RAPGEF5: variants seen among roughly 807,000 people sequenced by gnomAD.
RAPGEF5 encodes M-Ras-regulated GEF.
In RAPGEF5, 65 loss-of-function variants were observed where a neutral mutation model predicts 125.2. The ratio of observed to expected loss-of-function variants is 0.52; its 90% CI spans 0.43 to 0.64. The LOEUF is 0.64. Ranked by LOEUF, RAPGEF5 falls within the 30% of genes least tolerant of loss-of-function variation. The probability of loss-of-function intolerance (pLI) is 0.00; values close to 1 mark genes in which losing one functional copy is unlikely to be tolerated. For synonymous variants in RAPGEF5, 391 were observed against 385.9 expected, an observed-to-expected ratio of 1.01 and a Z score of -0.16; for missense variants, 958 against 1,048.1, an observed-to-expected ratio of 0.91 and a Z score of 1.19.
intron 8 of RAPGEF5, among the ~76,000 whole-genome samples, chr7:22,226,778 T>A (rs1785929525): frequency 6.6e-6 from 1 of 152,140 alleles, no homozygotes; most frequent in Admixed American, 6.5e-5. Flanking sequence ...GACATTCAGT[T>A]TCTCTGGTCC....
intron 1 of RAPGEF5, among the ~76,000 whole-genome samples, chr7:22,330,217 G>A (rs1783889648): frequency 6.6e-6 from 1 of 152,188 alleles, no homozygotes; most frequent in Admixed American, 6.5e-5. Context: ...TATGGATGGG[G>A]GAAAGTGAGT....
chr7:22,324,854 A>G (rs1290770642), intron 1 of RAPGEF5, among the ~76,000 whole-genome samples: 7 of 152,274 alleles, frequency 4.6e-5, no homozygotes, highest in East Asian at 1.9e-4. Flanking sequence ...CAACAAACAT[A>G]TATTTGTAAG....
At chr7:22,199,531 GAAAAAAAAAAAA>G (rs35024654) in intron 9 of RAPGEF5, among the ~76,000 whole-genome samples, 9 of 62,848 alleles carry the variant, frequency 1.4e-4, no homozygotes, top group African/African-American at 2.1e-4. Flanking sequence ...CCTTAAAATT[GAAAAAAAAAAAA>G]AAAAAAAAAA....
intron 7 of RAPGEF5, among the ~76,000 whole-genome samples, chr7:22,255,592 A>C (rs978239459): frequency 5.9e-5 from 9 of 151,856 alleles, no homozygotes; most frequent in African/African-American, 1.9e-4. Context: ...CTGTCTCAAA[A>C]CAAAACCAAA....
In RAPGEF5 at chr7:22,167,056, A is replaced by T. The variant is rs777112015; in HGVS notation, c.1283+14T>A. 4.4e-6 allele frequency: 7 copies of T among 1,594,002 alleles called. No individual in the cohort carries two copies. The Admixed American group carries it at 1.2e-4, about 27-fold the overall frequency. On this transcript the variant is annotated intron_variant, in intron 12 of 25. Coordinates refer to ENST00000665637, the MANE Select transcript of RAPGEF5 (RefSeq NM_012294.5). ...AGGAAGTGGACACAGCAGCCTGAAG[A>T]TAATGAAGGATATTGCCTTAACAGA... is the stretch of plus-strand genomic sequence containing the variant.
chr7:22,218,856 C>G (rs1000647595), intron 9 of RAPGEF5, among the ~76,000 whole-genome samples: 2 of 152,180 alleles, frequency 1.3e-5, no homozygotes, highest in African/African-American at 2.4e-5. Context: ...TAATTATTCT[C>G]TTTCTTGAGA....
intron 20 of RAPGEF5, among the ~76,000 whole-genome samples, chr7:22,141,084 G>C (rs2128103829): frequency 6.6e-6 from 1 of 152,266 alleles, no homozygotes; most frequent in African/African-American, 2.4e-5. Flanking sequence ...GAATAGTGTA[G>C]ATCTTGCCTG....
At chr7:22,188,063 A>G (rs1425347524) in intron 11 of RAPGEF5, among the ~76,000 whole-genome samples, 1 of 152,270 alleles carries the variant, frequency 6.6e-6, no homozygotes, top group African/African-American at 2.4e-5. Flanking sequence ...ATAAAAAGAT[A>G]TAAATACAAG....
intron 9 of RAPGEF5, among the ~76,000 whole-genome samples, chr7:22,217,369 T>C (rs1419759): frequency 0.69 from 105,206 of 152,054 alleles, 36,524 homozygotes; most frequent in East Asian, 0.86. Context: ...GTAAAGAAAG[T>C]GAGGACAGGA....
At chr7:22,354,031 C>T (rs943207673) in intron 1 of RAPGEF5, among the ~76,000 whole-genome samples, 7 of 152,112 alleles carry the variant, frequency 4.6e-5, no homozygotes, top group Admixed American at 1.3e-4. Context: ...GATCACACCA[C>T]TGCACTCCAG....
At chr7:22,133,111 G>A (rs1478329692) in intron 23 of RAPGEF5, among the ~76,000 whole-genome samples, 4 of 152,168 alleles carry the variant, frequency 2.6e-5, no homozygotes, top group African/African-American at 4.8e-5. Flanking sequence ...CCCTCCTGCC[G>A]GCAATCTCTC....
At chr7:22,157,142 G>A (rs752169926) in intron 15 of RAPGEF5, among the ~76,000 whole-genome samples, 40 of 152,164 alleles carry the variant, frequency 2.6e-4, no homozygotes, top group Non-Finnish European at 4.9e-4. Context: ...CCTGCAACAT[G>A]ATTTTTCACA....
intron 6 of RAPGEF5, among the ~76,000 whole-genome samples, chr7:22,282,839 GT>G (rs1313954489): frequency 2.4e-4 from 36 of 152,122 alleles, no homozygotes; most frequent in African/African-American, 8.4e-4. Context: ...TCTCTGAGCT[GT>G]TCATAACAGC....
intron 9 of RAPGEF5, among the ~76,000 whole-genome samples, chr7:22,199,910 T>A (rs1310188419): frequency 6.6e-6 from 1 of 152,022 alleles, no homozygotes; most frequent in Non-Finnish European, 1.5e-5. Flanking sequence ...GCGGAGTGTA[T>A]CAACAATATC....
intron 9 of RAPGEF5, among the ~76,000 whole-genome samples, chr7:22,218,913 T>C (rs1160887948): frequency 6.6e-6 from 1 of 152,236 alleles, no homozygotes; most frequent in Non-Finnish European, 1.5e-5. Flanking sequence ...AAGTGCTATG[T>C]TATTAAACTA....
At chr7:22,218,880 A>T (rs1054254698) in intron 9 of RAPGEF5, among the ~76,000 whole-genome samples, 3 of 152,174 alleles carry the variant, frequency 2.0e-5, no homozygotes, top group African/African-American at 7.2e-5. Flanking sequence ...CAACTGTTAC[A>T]ATTCGATGTC....
chr7:22,345,792 G>A (rs1340106542), intron 1 of RAPGEF5, among the ~76,000 whole-genome samples: 2 of 150,602 alleles, frequency 1.3e-5, no homozygotes, highest in African/African-American at 4.9e-5. Flanking sequence ...AAAACCACCT[G>A]GTAAGATCTC....
chr7:22,284,118 G>A (rs955509431), intron 6 of RAPGEF5, among the ~76,000 whole-genome samples: 1 of 151,664 alleles, frequency 6.6e-6, no homozygotes, highest in Non-Finnish European at 1.5e-5. Flanking sequence ...TGTATATTAT[G>A]GTATTTGGGG....
chr7:22,159,892 T>A (rs1351621286), intron 14 of RAPGEF5, among the ~76,000 whole-genome samples: 1 of 152,116 alleles, frequency 6.6e-6, no homozygotes, highest in Non-Finnish European at 1.5e-5. Flanking sequence ...GCGAATCACC[T>A]GAGGTTGGGA....
Sources: allele counts gnomAD v4.1 joint callset (sites outside exome capture counted in the v4.1 genomes callset), GRCh38; gene constraint gnomAD v4.1.1; transcripts MANE v1.5; gene names NCBI Gene and HGNC (gene_info 2026-07-23, HGNC 2026-07-21).